SEC22A: variants seen among roughly 807,000 people sequenced by gnomAD.
The protein encoded by SEC22A is SEC22 homolog A, vesicle trafficking protein, also known as vesicle-trafficking protein SEC22a.
In SEC22A, 22 loss-of-function variants were observed where a neutral mutation model predicts 35.3. The ratio of observed to expected loss-of-function variants is 0.62; its 90% CI spans 0.45 to 0.89. The LOEUF is 0.89. Among genes scored for constraint, SEC22A ranks in the 40% least tolerant of loss-of-function variants. SEC22A has a pLI of 0.00. For missense variants in SEC22A, 354 were observed against 362.5 expected, an observed-to-expected ratio of 0.98 and a Z score of 0.19; for synonymous variants, 119 against 129.5, an observed-to-expected ratio of 0.92 and a Z score of 0.55.
At position 123,272,756 on chromosome 3, in the gene SEC22A, A is replaced by T. The variant is rs920035813; in HGVS notation, c.*1034A>T. 1 of 153,824 alleles carries T rather than the reference A, an allele frequency of 6.5e-6. No homozygotes were observed. The highest frequency in any genetic ancestry group is 1.5e-5 in the Non-Finnish European group (1 of 68,056). 9.5% of individuals were successfully genotyped at this position (153,824 alleles called of 1,614,324 possible). A position where few individuals can be genotyped will look rare whatever the true frequency, so the allele number is the denominator to read the frequency against. On this transcript the variant is annotated 3_prime_UTR_variant, in exon 7 of 7. Coordinates refer to ENST00000492595, the MANE Select transcript of SEC22A (RefSeq NM_012430.5). ...AAACTGTAAAGGGAATGACATTCTC[A>T]CTGTGATTCAGCATTATTCTATGTT...
chr3:123,205,945 G>C (rs973231146), intron 1 of SEC22A, among the ~76,000 whole-genome samples: 1 of 152,158 alleles, frequency 6.6e-6, no homozygotes, highest in African/African-American at 2.4e-5. Context: ...TCTTTTTACA[G>C]TATGTGTTTT....
rs1390364741 is a variant in SEC22A, at chr3:123,259,590, G to C, written c.723+1G>C. On this transcript the variant is annotated splice_donor_variant, in intron 6 of 6. Transcript: ENST00000492595. LOFTEE classifies it high-confidence loss of function. ...TGGAACAGCAGCCTGCCTTTACCAG[G>C]TAGGTTTTCTTCCATTTTAAAGAAA... The C allele has an allele frequency of 6.2e-7, 1 of 1,607,728 alleles. No individual in the cohort carries two copies. The highest frequency in any genetic ancestry group is 1.7e-5 in the Admixed American group (1 of 59,936).
intron 5 of SEC22A, among the ~76,000 whole-genome samples, chr3:123,248,560 ACT>A (rs1451563999): frequency 1.4e-4 from 21 of 152,038 alleles, no homozygotes; most frequent in East Asian, 1.2e-3. Flanking sequence ...AAATGATAAA[ACT>A]CTGATCAAAT....
At chr3:123,207,651 A>C (rs2108025366) in intron 1 of SEC22A, among the ~76,000 whole-genome samples, 1 of 152,358 alleles carries the variant, frequency 6.6e-6, no homozygotes, top group African/African-American at 2.4e-5. Flanking sequence ...TCAGTGGTTC[A>C]GAATTTTGAG....
chr3:123,254,650 C>T (rs530068483), intron 5 of SEC22A, among the ~76,000 whole-genome samples: 1 of 152,288 alleles, frequency 6.6e-6, no homozygotes, highest in South Asian at 2.1e-4. Flanking sequence ...ACCAAAAAAG[C>T]CTCTTTACGT....
At chr3:123,225,870 A>G (rs1364897271) in intron 4 of SEC22A, among the ~76,000 whole-genome samples, 1 of 152,142 alleles carries the variant, frequency 6.6e-6, no homozygotes, top group African/African-American at 2.4e-5. Context: ...TCCTCCAGTA[A>G]CCAAAATTCT....
intron 4 of SEC22A, among the ~76,000 whole-genome samples, chr3:123,241,106 G>A (rs1376024260): frequency 6.6e-6 from 1 of 151,232 alleles, no homozygotes; most frequent in Non-Finnish European, 1.5e-5. Flanking sequence ...GCTAAATTTT[G>A]TGGAGGCATT....
intron 5 of SEC22A, among the ~76,000 whole-genome samples, chr3:123,258,802 G>A (rs987520621): frequency 2.0e-5 from 3 of 151,786 alleles, no homozygotes; most frequent in African/African-American, 4.8e-5. Context: ...GCTCCTGCCC[G>A]AACTTTATCT....
At chr3:123,248,388 T>C (rs961010587) in intron 5 of SEC22A, among the ~76,000 whole-genome samples, 5 of 152,182 alleles carry the variant, frequency 3.3e-5, no homozygotes, top group Admixed American at 6.5e-5. Context: ...TATAGCAAGA[T>C]TGCAGGATAT....
chr3:123,224,790 C>CAA (rs201359124), intron 3 of SEC22A, among the ~76,000 whole-genome samples: 1 of 144,340 alleles, frequency 6.9e-6, no homozygotes, highest in African/African-American at 2.5e-5. Flanking sequence ...GACCCTGTCT[C>CAA]AAAAAAAAAA....
At chr3:123,215,492 C>T (rs748344857) in intron 2 of SEC22A, among the ~76,000 whole-genome samples, 11 of 152,140 alleles carry the variant, frequency 7.2e-5, no homozygotes, top group Non-Finnish European at 1.2e-4. Flanking sequence ...ATCACATGTC[C>T]TTACCCCTTT....
chr3:123,258,949 G>C (rs1164818404), intron 5 of SEC22A, among the ~76,000 whole-genome samples: 1 of 150,232 alleles, frequency 6.7e-6, no homozygotes, highest in East Asian at 1.9e-4. Flanking sequence ...AGGTATCTCT[G>C]TTTTTCCTCT....
intron 4 of SEC22A, among the ~76,000 whole-genome samples, chr3:123,234,832 G>T (rs1015618013): frequency 2.0e-5 from 3 of 152,060 alleles, no homozygotes; most frequent in African/African-American, 7.2e-5. Flanking sequence ...AGACCAGCCT[G>T]GGCAACATGG....
At chr3:123,260,979 G>T (rs1937883453) in intron 6 of SEC22A, among the ~76,000 whole-genome samples, 1 of 151,886 alleles carries the variant, frequency 6.6e-6, no homozygotes, top group Admixed American at 6.6e-5. Flanking sequence ...GGGAATACAG[G>T]CTCCTGCCAC....
intron 6 of SEC22A, among the ~76,000 whole-genome samples, chr3:123,263,184 G>A (rs1937931376): frequency 6.6e-6 from 1 of 152,212 alleles, no homozygotes. Flanking sequence ...GCATAGTTCA[G>A]AATGCTATAA....
intron 4 of SEC22A, chr3:123,243,972 T>G (rs1937547119): frequency 6.6e-6 from 1 of 152,222 alleles, no homozygotes; most frequent in African/African-American, 2.4e-5. Flanking sequence ...ATGACACTGC[T>G]TTGGATTCAG....
chr3:123,259,208 C>T (rs1402858241), intron 5 of SEC22A, among the ~76,000 whole-genome samples: 4 of 152,272 alleles, frequency 2.6e-5, no homozygotes, highest in African/African-American at 9.6e-5. Context: ...TACATTTTTA[C>T]ATGATTTTTT....
At chr3:123,203,250 A>T (rs1936788568) in intron 1 of SEC22A, among the ~76,000 whole-genome samples, 1 of 151,662 alleles carries the variant, frequency 6.6e-6, no homozygotes, top group African/African-American at 2.4e-5. Flanking sequence ...TTTAGGGATT[A>T]AAAAAAATTC....
At chr3:123,205,311 C>A (rs559829204) in intron 1 of SEC22A, among the ~76,000 whole-genome samples, 7 of 152,252 alleles carry the variant, frequency 4.6e-5, no homozygotes, top group African/African-American at 1.7e-4. Context: ...TAAGTAGAAA[C>A]CATTCTCTGA....
Sources: gnomAD v4.1 joint callset for allele counts (sites outside exome capture counted in the v4.1 genomes callset) on GRCh38, gnomAD v4.1.1 for gene constraint, MANE v1.5 for transcripts, NCBI Gene and HGNC (gene_info 2026-07-23, HGNC 2026-07-21) for gene names.